PROSER2: variants seen among roughly 807,000 people sequenced by gnomAD.
PROSER2 encodes the protein proline and serine-rich protein 2.
PROSER2 carries 18 observed loss-of-function variants against 14.6 expected under a neutral mutation model. That is an observed-to-expected ratio of 1.23 (90% CI 0.85 to 1.83). The LOEUF is 1.83. Among genes scored for constraint, PROSER2 ranks in the 40% most tolerant of loss-of-function variants. The pLI is 0.00. For missense variants in PROSER2, 823 were observed against 629.8 expected (o/e 1.31, Z -3.28); for synonymous variants, 367 against 286.4 (o/e 1.28, Z -2.84).
chr10:11,870,382 G>A lies in PROSER2; in HGVS notation c.1284G>A (p.Leu428=), dbSNP rs191542752. 1.5e-3 allele frequency: 2,220 copies of A among 1,506,992 alleles called. 27 individuals carry two copies. In the African/African-American group the frequency reaches 0.028, roughly 19 times the overall value. The allele number at this position is 1,506,992 out of a possible 1,614,324, so 93.4% of individuals were successfully genotyped here. A position where few individuals can be genotyped will look rare whatever the true frequency, so the allele number is the denominator to read the frequency against. Residue 428 remains leucine (L), a synonymous_variant, in exon 4 of 4, where the codon CTG becomes CTA. Coordinates refer to ENST00000277570, the MANE Select transcript of PROSER2 (RefSeq NM_153256.4). ...CGCGCAGGGAGGCCCTGCGGAAGCT[G>A]GGGCTGCTCAGGGAGAGTTCGTGAG... ...EEARREALRK[L]GLLRESS is the part of the protein sequence containing the mutation.
intron 1 of PROSER2, among the ~76,000 whole-genome samples, chr10:11,842,195 C>A (rs1833854031): frequency 6.7e-6 from 1 of 149,600 alleles, no homozygotes. Context: ...GCAATCCAGC[C>A]TGGTTACAGA....
At chr10:11,855,152 T>TTG (rs1554767348) in intron 2 of PROSER2, among the ~76,000 whole-genome samples, 2 of 151,338 alleles carry the variant, frequency 1.3e-5, no homozygotes, top group Non-Finnish European at 2.9e-5. Flanking sequence ...TTTTTGTTTT[T>TTG]TTTTTTTTTT....
At chr10:11,831,821 AGGTAAGGC>A (rs1356739393) in intron 1 of PROSER2, 1 of 152,170 alleles carries the variant, frequency 6.6e-6, no homozygotes, top group Non-Finnish European at 1.5e-5. Flanking sequence ...CAGCCTCTCT[AGGTAAGGC>A]GACCTGGTGA....
At chr10:11,859,892 C>T (rs1834201845) in intron 2 of PROSER2, among the ~76,000 whole-genome samples, 1 of 152,234 alleles carries the variant, frequency 6.6e-6, no homozygotes, top group Non-Finnish European at 1.5e-5. Flanking sequence ...CTGCCCCTGC[C>T]CTCATCGCCA....
intron 1 of PROSER2, among the ~76,000 whole-genome samples, chr10:11,842,937 T>G (rs1170742950): frequency 1.2e-4 from 3 of 24,166 alleles, no homozygotes; most frequent in African/African-American, 4.3e-4. Flanking sequence ...TGTTCTTTTT[T>G]TTTTTTTTTT....
At chr10:11,855,776 T>C (rs1197557950) in intron 2 of PROSER2, among the ~76,000 whole-genome samples, 2 of 152,146 alleles carry the variant, frequency 1.3e-5, no homozygotes, top group Non-Finnish European at 2.9e-5. Flanking sequence ...AACAAATACA[T>C]AAATTCTAGA....
Position 11,836,728 on chromosome 10 carries a change from A to G in PROSER2, c.-82+13258A>G, listed in dbSNP as rs147817470. On this transcript the variant is annotated intron_variant, in intron 1 of 3. Transcript: ENST00000277570. This position sits in a 1 kb window ranked among gnomAD's most constrained non-coding sequence, Gnocchi z 4.6. ...TCATTTCTACCTCTTTCCCAGCTCA[A>G]CTGTGCTTGTCTTGACTGTATCTTA... Among the ~76,000 whole-genome samples the G allele has an allele frequency of 1.8e-3, 277 of 152,178 alleles. 1 individual carries two copies. Among genetic ancestry groups the G allele is most frequent in the African/African-American group, 6.5e-3 (269 of 41,528 alleles).
intron 1 of PROSER2, among the ~76,000 whole-genome samples, chr10:11,845,928 T>G (rs1369952565): frequency 1.3e-5 from 2 of 152,226 alleles, no homozygotes; most frequent in African/African-American, 4.8e-5. Context: ...TCATCCATTG[T>G]GAAACACGCT....
In PROSER2 at chr10:11,870,411, C is replaced by G; in HGVS notation, c.*5C>G. On this transcript the variant is annotated 3_prime_UTR_variant, in exon 4 of 4. Transcript: ENST00000277570. ...CTGCTCAGGGAGAGTTCGTGAGGGC[C>G]GCGCGGGCTCCAGTCCACCCCGTTT... 1.4e-6 allele frequency: 2 copies of G among 1,481,396 alleles called. No individual in the cohort carries two copies. Among genetic ancestry groups the G allele is most frequent in the South Asian group, 2.7e-5 (2 of 75,050 alleles). The allele number at this position is 1,481,396 out of a possible 1,614,324, so 91.8% of individuals were successfully genotyped here.
chr10:11,829,757 A>C (rs1416446046), intron 1 of PROSER2, among the ~76,000 whole-genome samples: 1 of 151,478 alleles, frequency 6.6e-6, no homozygotes, highest in African/African-American at 2.4e-5. Flanking sequence ...CAGCAGTATC[A>C]CTTTAAGAAT....
chr10:11,849,283 A>G (rs1833977542), intron 1 of PROSER2, among the ~76,000 whole-genome samples: 1 of 152,156 alleles, frequency 6.6e-6, no homozygotes, highest in African/African-American at 2.4e-5. Context: ...GGCACTGAAC[A>G]TTGTTACATA....
chr10:11,845,128 C>G (rs1833904805), intron 1 of PROSER2, among the ~76,000 whole-genome samples: 1 of 151,820 alleles, frequency 6.6e-6, no homozygotes, highest in African/African-American at 2.4e-5. Flanking sequence ...ACTTTTGCAC[C>G]AACCTAATAC....
intron 1 of PROSER2, among the ~76,000 whole-genome samples, chr10:11,840,646 G>T (rs1220650907): frequency 6.6e-6 from 1 of 151,944 alleles, no homozygotes; most frequent in Non-Finnish European, 1.5e-5. Flanking sequence ...GATAGTGGGG[G>T]CCAGGCGCGG....
rs201878740 is a variant in PROSER2 at position 11,866,716 on chromosome 10, C to T, written c.324C>T (p.Ile108=). Residue 108 remains isoleucine, a synonymous_variant, in exon 3 of 4, where the codon ATC becomes ATT. Transcript: ENST00000277570. This position sits in a 1 kb window ranked among gnomAD's most constrained non-coding sequence, Gnocchi z 6.0. ...TSSPSEPEDV[I]DLVQPAPGAG... is the part of the protein sequence containing the mutation. The stretch of plus-strand genomic sequence containing the variant: ...GTCCCTCCGAGCCTGAAGATGTCAT[C>T]GACTTAGTGCAGCCAGCACCTGGCG... The T allele has an allele frequency of 4.5e-5, 72 of 1,613,930 alleles. No individual in the cohort carries two copies. Among genetic ancestry groups the T allele is most frequent in the African/African-American group, 2.7e-4 (20 of 75,026 alleles).
intron 1 of PROSER2, among the ~76,000 whole-genome samples, chr10:11,833,778 A>C (rs572960504): frequency 2.0e-5 from 3 of 152,132 alleles, no homozygotes; most frequent in Non-Finnish European, 4.4e-5. Context: ...TTATGGGATC[A>C]ATTGTATCCA....
At chr10:11,828,323 T>G (rs985245301) in intron 1 of PROSER2, among the ~76,000 whole-genome samples, 1 of 151,000 alleles carries the variant, frequency 6.6e-6, no homozygotes, top group African/African-American at 2.4e-5. Flanking sequence ...AAAAAGTCTA[T>G]ACTCCTTTGT....
Position 11,870,661 on chromosome 10 carries a change from TGAGA to T in PROSER2, c.*264_*267del, listed in dbSNP as rs578159868. On this transcript the variant is annotated 3_prime_UTR_variant, in exon 4 of 4. Transcript: ENST00000277570. ...GGCTTGTCTCCCTTTTCCCAAGAAC[TGAGA>T]GAGAGAGAATAACCTGTTAGACCCA... is the stretch of plus-strand genomic sequence containing the variant. The T allele has an allele frequency of 7.9e-4, 335 of 424,692 alleles. 2 individuals are homozygous for T. Among genetic ancestry groups the T allele is most frequent in the African/African-American group, 4.4e-3 (209 of 47,674 alleles). 26.3% of individuals were successfully genotyped at this position (424,692 alleles called of 1,614,324 possible). A position where few individuals can be genotyped will look rare whatever the true frequency, so the allele number is the denominator to read the frequency against.
intron 1 of PROSER2, among the ~76,000 whole-genome samples, chr10:11,826,770 C>T (rs984372074): frequency 2.0e-5 from 3 of 151,704 alleles, no homozygotes; most frequent in Non-Finnish European, 2.9e-5. Flanking sequence ...TTAGTAGAGT[C>T]GGGGTTTCGC....
intron 3 of PROSER2, among the ~76,000 whole-genome samples, chr10:11,867,666 A>AG (rs1181299427): frequency 2.0e-5 from 3 of 152,302 alleles, no homozygotes; most frequent in South Asian, 2.1e-4. Context: ...ACGTGGCAGG[A>AG]GGTGGAGCTC....
Sources: gnomAD v4.1 joint callset for allele counts (sites outside exome capture counted in the v4.1 genomes callset) on GRCh38, gnomAD v4.1.1 for gene constraint, Gnocchi (gnomAD v3.1) non-coding constraint, MANE v1.5 for transcripts, NCBI Gene and HGNC (gene_info 2026-07-23, HGNC 2026-07-21) for gene names.